The following LEKR1 variants were observed in gnomAD, a reference collection of about 807,000 sequenced individuals.
The protein encoded by LEKR1 is leucine, glutamate and lysine rich 1, also known as protein LEKR1.
LEKR1 carries 59 observed loss-of-function variants against 72.4 expected under a neutral mutation model. That is an observed-to-expected ratio of 0.82 (90% CI 0.66 to 1.01). LEKR1 has a LOEUF of 1.01. LEKR1 is among the 50% of genes least tolerant of loss of function. The probability of loss-of-function intolerance (pLI) is 0.00; values close to 1 mark genes in which losing one functional copy is unlikely to be tolerated. For missense variants in LEKR1, 728 were observed against 759.2 expected (o/e 0.96, Z 0.48); for synonymous variants, 257 against 263.2 (o/e 0.98, Z 0.23).
chr3:156,859,539 T>A (rs1444539711), intron 3 of LEKR1, among the ~76,000 whole-genome samples: 1 of 152,142 alleles, frequency 6.6e-6, no homozygotes, highest in Non-Finnish European at 1.5e-5. Flanking sequence ...AGCCTCCTCT[T>A]CACACCACAA....
At chr3:157,005,015 C>A (rs1026271603) in intron 9 of LEKR1, among the ~76,000 whole-genome samples, 2 of 151,602 alleles carry the variant, frequency 1.3e-5, no homozygotes, top group African/African-American at 4.8e-5. Flanking sequence ...TCTTTGAGAT[C>A]AATAAAATTA....
chr3:156,918,732 T>C (rs1262237699), intron 3 of LEKR1, among the ~76,000 whole-genome samples: 1 of 152,302 alleles, frequency 6.6e-6, no homozygotes, highest in South Asian at 2.1e-4. Flanking sequence ...TGTAAACATG[T>C]TAGTAATATG....
At chr3:156,915,602 G>A (rs1014059156) in intron 3 of LEKR1, among the ~76,000 whole-genome samples, 1 of 151,544 alleles carries the variant, frequency 6.6e-6, no homozygotes, top group Non-Finnish European at 1.5e-5. Flanking sequence ...TTTTTAACGG[G>A]GTTGTTTGTT....
intron 7 of LEKR1, chr3:156,988,612 C>A: frequency 4.5e-6 from 1 of 224,326 alleles, no homozygotes. Context: ...TGTCAAGATT[C>A]CTTCCTGGTA....
chr3:156,977,786 C>T (rs1355861416), intron 6 of LEKR1: 1 of 224,438 alleles, frequency 4.5e-6, no homozygotes, highest in East Asian at 1.1e-4. Flanking sequence ...CTGTTCTGAC[C>T]ATCTTGCCTT....
chr3:156,976,378 C>T (rs1729689937), intron 6 of LEKR1, among the ~76,000 whole-genome samples: 1 of 152,040 alleles, frequency 6.6e-6, no homozygotes, highest in South Asian at 2.1e-4. Flanking sequence ...ACCTATGCTT[C>T]ATCTAGTTTA....
chr3:156,888,932 T>C (rs1720377891), intron 3 of LEKR1, among the ~76,000 whole-genome samples: 1 of 152,226 alleles, frequency 6.6e-6, no homozygotes, highest in African/African-American at 2.4e-5. Flanking sequence ...GTAGCTCTTA[T>C]TTTCTAAAAA....
chr3:156,915,790 T>G (rs1229987841), intron 3 of LEKR1, among the ~76,000 whole-genome samples: 1 of 152,204 alleles, frequency 6.6e-6, no homozygotes, highest in African/African-American at 2.4e-5. Context: ...CAATTTTGGC[T>G]ATTGTTGTGA....
At chr3:156,938,237 G>A (rs1725893689) in intron 5 of LEKR1, among the ~76,000 whole-genome samples, 1 of 152,124 alleles carries the variant, frequency 6.6e-6, no homozygotes, top group Admixed American at 6.6e-5. Context: ...AGTTTTGATA[G>A]TGTGCTACAG....
intron 5 of LEKR1, among the ~76,000 whole-genome samples, chr3:156,936,307 A>T (rs1171063279): frequency 1.3e-5 from 2 of 152,024 alleles, no homozygotes; most frequent in African/African-American, 4.8e-5. Flanking sequence ...TTCAATTCTT[A>T]ATACATAAAG....
At chr3:157,008,353 A>T (rs918608754) in intron 9 of LEKR1, among the ~76,000 whole-genome samples, 1 of 152,150 alleles carries the variant, frequency 6.6e-6, no homozygotes, top group East Asian at 1.9e-4. Context: ...TCTTTCTTCC[A>T]CATACACATT....
At chr3:156,992,077 T>C (rs1378447581) in intron 7 of LEKR1, among the ~76,000 whole-genome samples, 2 of 152,238 alleles carry the variant, frequency 1.3e-5, no homozygotes, top group African/African-American at 4.8e-5. Flanking sequence ...GGAATATGCT[T>C]AATACATGTG....
chr3:156,913,600 T>C (rs1281831639), intron 3 of LEKR1, among the ~76,000 whole-genome samples: 6 of 152,160 alleles, frequency 3.9e-5, no homozygotes, highest in Non-Finnish European at 8.8e-5. Context: ...TAGCTAAGGA[T>C]AGAGAGTGGT....
At chr3:156,963,349 C>T (rs1430122338) in intron 6 of LEKR1, among the ~76,000 whole-genome samples, 1 of 152,198 alleles carries the variant, frequency 6.6e-6, no homozygotes, top group Admixed American at 6.5e-5. Flanking sequence ...GCACACTCCT[C>T]CCTACACACA....
rs189937204 is a variant in LEKR1 at position 156,966,182 on chromosome 3, T to A, written c.746-13012T>A. Among the ~76,000 whole-genome samples, 113 of 152,210 alleles carry A rather than the reference T, an allele frequency of 7.4e-4. No individual in the cohort carries two copies. The East Asian group carries it at 0.02, about 27-fold the overall frequency. ...GATGGCCGAATAGGAACAGCTCCAG[T>A]CCACAGCTCCCAGCATGAGTGACGC... On this transcript the variant is annotated intron_variant, in intron 6 of 12. Transcript: ENST00000356539.
At chr3:156,885,233 G>C (rs575240085) in intron 3 of LEKR1, among the ~76,000 whole-genome samples, 8 of 152,012 alleles carry the variant, frequency 5.3e-5, no homozygotes, top group African/African-American at 1.7e-4. Context: ...CCTTTCTCTA[G>C]TATCTCCTTG....
intron 6 of LEKR1, among the ~76,000 whole-genome samples, chr3:156,976,913 G>C (rs1396642538): frequency 1.3e-5 from 2 of 152,104 alleles, no homozygotes; most frequent in Non-Finnish European, 2.9e-5. Context: ...ACAAGTATGG[G>C]TCATCTACTC....
At position 156,925,604 on chromosome 3, in the gene LEKR1, A is replaced by G. The variant is rs1234233363; in HGVS notation, c.384-1825A>G. Among the ~76,000 whole-genome samples, 4 of 152,012 alleles carry G rather than the reference A, an allele frequency of 2.6e-5. No individual in the cohort carries two copies. In the East Asian group the frequency reaches 7.7e-4, roughly 29 times the overall value. ...TAGAGGCAAATTTATTGTGAACCAG[A>G]TGATGCTTAAGTTTCAGAGTCTCTC... is the stretch of plus-strand genomic sequence containing the variant. On this transcript the variant is annotated intron_variant, in intron 4 of 12. Coordinates refer to ENST00000356539, the MANE Select transcript of LEKR1 (RefSeq NM_001004316.3).
At chr3:156,898,027 T>C (rs1464772562) in intron 3 of LEKR1, among the ~76,000 whole-genome samples, 1 of 151,026 alleles carries the variant, frequency 6.6e-6, no homozygotes, top group Non-Finnish European at 1.5e-5. Context: ...TTAGAGACAA[T>C]AGGTGACAAA....
Sources: gnomAD v4.1 joint callset for allele counts (sites outside exome capture counted in the v4.1 genomes callset) on GRCh38, gnomAD v4.1.1 for gene constraint, MANE v1.5 for transcripts, NCBI Gene and HGNC (gene_info 2026-07-23, HGNC 2026-07-21) for gene names.